Variants in CHMP4C observed in about 807,000 individuals in gnomAD.
CHMP4C encodes the protein charged multivesicular body protein 4C, also known as SNF7 homolog associated with Alix 3.
Under a neutral mutation model 29.0 loss-of-function variants are expected in CHMP4C, and 28 were observed. The ratio of observed to expected loss-of-function variants is 0.97; its 90% confidence interval spans 0.72 to 1.32. CHMP4C has a LOEUF of 1.32. CHMP4C is among the 40% of genes most tolerant of loss of function. The probability of loss-of-function intolerance (pLI) is 0.00; values close to 1 mark genes in which losing one functional copy is unlikely to be tolerated. For synonymous variants in CHMP4C, 106 were observed against 102.4 expected (o/e 1.04, Z -0.21); for missense variants, 291 against 281.0 (o/e 1.04, Z -0.25).
At chr8:81,751,756 T>A (rs893949798) in intron 1 of CHMP4C, among the ~76,000 whole-genome samples, 3 of 151,954 alleles carry the variant, frequency 2.0e-5, no homozygotes, top group African/African-American at 7.2e-5. Flanking sequence ...TGAGTGAAAA[T>A]CTTACATTAA....
Position 81,732,681 on chromosome 8 carries a change from G to A in CHMP4C, c.55G>A (p.Ala19Thr), listed in dbSNP as rs373753581. The change falls in exon 1 of 5, where the codon GCT becomes ACT. Residue 19 changes from alanine to threonine, a missense_variant. Coordinates refer to ENST00000297265, the MANE Select transcript of CHMP4C (RefSeq NM_152284.4). ...GGGCGGCTCTTCTAAGAGCCGAGCC[G>A]CTCCCAGTCCCCAGGAGGCCCTGGT... ...KGGGSSKSRA[A>T]PSPQEALVRL... The A allele has an allele frequency of 1.6e-5, 25 of 1,582,782 alleles. No individual in the cohort carries two copies. Among genetic ancestry groups the A allele is most frequent in the South Asian group, 4.6e-5 (4 of 86,844 alleles).
chr8:81,750,542 C>T (rs1237837722), intron 1 of CHMP4C, among the ~76,000 whole-genome samples: 2 of 151,964 alleles, frequency 1.3e-5, no homozygotes, highest in Non-Finnish European at 2.9e-5. Context: ...GAGTTCAAGG[C>T]TGCAGTGAGC....
At chr8:81,758,049 T>G (rs1187817519) in intron 3 of CHMP4C, 93 bp from the exon 4 acceptor site, 22 of 1,137,008 alleles carry the variant, frequency 1.9e-5, no homozygotes, top group Non-Finnish European at 2.4e-5. Flanking sequence ...TTCTCACATA[T>G]CAATTGGGTA....
intron 1 of CHMP4C, among the ~76,000 whole-genome samples, chr8:81,750,124 G>C (rs979221176): frequency 2.0e-5 from 3 of 152,012 alleles, no homozygotes. Context: ...AGATTAAAGA[G>C]GCTATTACAT....
intron 2 of CHMP4C, among the ~76,000 whole-genome samples, chr8:81,754,858 G>A (rs147924717): frequency 2.0e-5 from 3 of 152,186 alleles, no homozygotes; most frequent in Non-Finnish European, 2.9e-5. Flanking sequence ...GGGCATCACC[G>A]CTATGCAAAA....
rs752608662 is a variant in CHMP4C, at chr8:81,732,797, C to G, written c.171C>G (p.His57Gln). Residue 57 changes from histidine (H) to glutamine (Q), a missense_variant, in exon 1 of 5, where the codon CAC becomes CAG. Transcript: ENST00000297265. ...GAGAAATCGCCCTGGCCAAGAAGCACGGCACGCAGAATAAGCGAGGTAGGC... is the reference window on the plus strand; with the variant it reads ...GAGAAATCGCCCTGGCCAAGAAGCAGGGCACGCAGAATAAGCGAGGTAGGC... ...IQREIALAKKHGTQNKRAALQ... is the reference protein window; with the variant it reads ...IQREIALAKKQGTQNKRAALQ... The G allele has an allele frequency of 2.0e-5, 32 of 1,612,036 alleles. No homozygotes were observed. Among genetic ancestry groups the G allele is most frequent in the Non-Finnish European group, 2.6e-5 (31 of 1,179,210 alleles).
At chr8:81,750,727 A>T (rs1808890783) in intron 1 of CHMP4C, among the ~76,000 whole-genome samples, 1 of 149,264 alleles carries the variant, frequency 6.7e-6, no homozygotes, top group Non-Finnish European at 1.5e-5. Context: ...ATAATTAAAT[A>T]AAAAAATACA....
chr8:81,744,834 A>G (rs1244582530), intron 1 of CHMP4C, among the ~76,000 whole-genome samples: 1 of 152,210 alleles, frequency 6.6e-6, no homozygotes, highest in Middle Eastern at 3.2e-3. Flanking sequence ...ACACAGTGCC[A>G]GGCATGTCAT....
chr8:81,735,185 C>T lies in CHMP4C; in HGVS notation c.190+2369C>T, dbSNP rs551394072. ...CTGGGATTACAGGTGTGAGCCACTG[C>T]GCCTAGCCCTAATTTTTAATAGAAA... On this transcript the variant is annotated intron_variant, in intron 1 of 4. Transcript: ENST00000297265. Among the ~76,000 whole-genome samples, 19 of 152,182 alleles carry T rather than the reference C, an allele frequency of 1.2e-4. No individual in the cohort carries two copies. The South Asian group carries it at 3.3e-3, about 27-fold the overall frequency.
intron 1 of CHMP4C, among the ~76,000 whole-genome samples, chr8:81,733,349 A>G (rs555875872): frequency 2.4e-4 from 37 of 152,230 alleles, no homozygotes; most frequent in African/African-American, 8.2e-4. Context: ...AGCTTTTTCT[A>G]GGCCAGCCTT....
chr8:81,758,761 G>T lies in CHMP4C; in HGVS notation c.*217G>T. 2.0e-6 allele frequency: 1 copy of T among 496,808 alleles called. No homozygotes were observed. Among genetic ancestry groups the T allele is most frequent in the Non-Finnish European group, 3.5e-6 (1 of 281,904 alleles). The allele number at this position is 496,808 out of a possible 1,614,324, so 30.8% of individuals were successfully genotyped here. Reference sequence around the variant, plus strand: ...ACGGTATCTCATGCCTATAATCCCAGCACTTTGGGAGGCTGAGGCAGTTGA... The same window carrying T: ...ACGGTATCTCATGCCTATAATCCCATCACTTTGGGAGGCTGAGGCAGTTGA... On this transcript the variant is annotated 3_prime_UTR_variant, in exon 5 of 5. Transcript: ENST00000297265.
chr8:81,738,242 G>A (rs1378996429), intron 1 of CHMP4C, among the ~76,000 whole-genome samples: 1 of 152,192 alleles, frequency 6.6e-6, no homozygotes, highest in Non-Finnish European at 1.5e-5. Flanking sequence ...GGCTGATAAG[G>A]ATTAAGGGTT....
At chr8:81,754,484 A>G (rs1210448105) in intron 2 of CHMP4C, among the ~76,000 whole-genome samples, 1 of 152,192 alleles carries the variant, frequency 6.6e-6, no homozygotes, top group Non-Finnish European at 1.5e-5. Flanking sequence ...ATGTCAAAAT[A>G]GCTCTTACAG....
intron 1 of CHMP4C, among the ~76,000 whole-genome samples, chr8:81,743,913 A>G (rs913681879): frequency 6.6e-6 from 1 of 152,188 alleles, no homozygotes; most frequent in Admixed American, 6.5e-5. Flanking sequence ...CTCCTCTTTT[A>G]TACTTTATAG....
intron 1 of CHMP4C, among the ~76,000 whole-genome samples, chr8:81,733,293 T>G (rs1012762469): frequency 6.6e-6 from 1 of 152,220 alleles, no homozygotes; most frequent in Non-Finnish European, 1.5e-5. Context: ...TTATTTGTCT[T>G]GATTACTGAG....
At chr8:81,740,980 G>C (rs542588278) in intron 1 of CHMP4C, among the ~76,000 whole-genome samples, 10 of 152,206 alleles carry the variant, frequency 6.6e-5, no homozygotes, top group Admixed American at 5.9e-4. Flanking sequence ...AATTATTTTG[G>C]TATTTTTCAT....
chr8:81,747,652 C>T (rs1406840277), intron 1 of CHMP4C, among the ~76,000 whole-genome samples: 1 of 152,076 alleles, frequency 6.6e-6, no homozygotes, highest in Admixed American at 6.6e-5. Context: ...TAAGCATCAG[C>T]TGGCTTGAGA....
At chr8:81,745,551 A>G (rs1163162321) in intron 1 of CHMP4C, among the ~76,000 whole-genome samples, 1 of 152,250 alleles carries the variant, frequency 6.6e-6, no homozygotes, top group Admixed American at 6.5e-5. Context: ...ATTATTTGGC[A>G]TAAATGACTG....
chr8:81,752,060 G>A (rs537844342), intron 1 of CHMP4C, among the ~76,000 whole-genome samples: 43 of 151,682 alleles, frequency 2.8e-4, no homozygotes, highest in Non-Finnish European at 4.3e-4. Context: ...CATGGAAAAA[G>A]CACTGGAATG....
Sources: allele counts gnomAD v4.1 joint callset (sites outside exome capture counted in the v4.1 genomes callset), GRCh38; gene constraint gnomAD v4.1.1; transcripts MANE v1.5; gene names NCBI Gene and HGNC (gene_info 2026-07-23, HGNC 2026-07-21).